Variants in ST6GALNAC5 observed in about 807,000 individuals in gnomAD.
ST6GALNAC5 encodes alpha-N-acetylgalactosaminide alpha-2,6-sialyltransferase 5.
In ST6GALNAC5, 27 loss-of-function variants were observed where a neutral mutation model predicts 33.6. That is an observed-to-expected ratio of 0.80 (90% CI 0.59 to 1.11). The LOEUF (loss-of-function observed/expected upper bound fraction) is 1.11. ST6GALNAC5 is among the 50% of genes least tolerant of loss of function. The pLI is 0.00. For missense variants in ST6GALNAC5, 428 were observed against 454.0 expected (o/e 0.94, Z 0.52); for synonymous variants, 194 against 171.2 (o/e 1.13, Z -1.04).
chr1:77,007,652 G>T (rs781198150), intron 2 of ST6GALNAC5, among the ~76,000 whole-genome samples: 2 of 152,200 alleles, frequency 1.3e-5, no homozygotes, highest in Non-Finnish European at 2.9e-5. Flanking sequence ...AAAATATTTT[G>T]GTTAATTAGA....
intron 2 of ST6GALNAC5, among the ~76,000 whole-genome samples, chr1:77,000,631 C>T (rs1471331787): frequency 4.0e-5 from 6 of 150,712 alleles, no homozygotes; most frequent in Admixed American, 6.6e-5. Flanking sequence ...TTAGGTCTAA[C>T]GTTTAAGTCC....
At chr1:76,932,396 G>A (rs767167636) in intron 2 of ST6GALNAC5, among the ~76,000 whole-genome samples, 1 of 152,064 alleles carries the variant, frequency 6.6e-6, no homozygotes, top group Non-Finnish European at 1.5e-5. Context: ...CAGGTGTGGG[G>A]GATAAGTCAG....
chr1:76,924,408 A>T (rs1570677466), intron 2 of ST6GALNAC5, among the ~76,000 whole-genome samples: 1 of 152,286 alleles, frequency 6.6e-6, no homozygotes, highest in East Asian at 1.9e-4. Context: ...AAGAACACAC[A>T]AGTATCTTCT....
intron 2 of ST6GALNAC5, among the ~76,000 whole-genome samples, chr1:76,909,897 CTTGT>C (rs1323330253): frequency 6.6e-6 from 1 of 151,914 alleles, no homozygotes; most frequent in East Asian, 1.9e-4. Context: ...CTATAGTGTG[CTTGT>C]TTTTCATTAA....
intron 2 of ST6GALNAC5, among the ~76,000 whole-genome samples, chr1:76,994,092 A>T (rs1038593249): frequency 3.9e-5 from 6 of 152,208 alleles, no homozygotes; most frequent in Non-Finnish European, 7.3e-5. Flanking sequence ...CAGGCAAATC[A>T]GCCACTCTTG....
chr1:76,995,108 T>G (rs1192329778), intron 2 of ST6GALNAC5, among the ~76,000 whole-genome samples: 1 of 152,098 alleles, frequency 6.6e-6, no homozygotes. Context: ...TAAAATTTAA[T>G]ATGTTTTGGC....
chr1:76,880,641 G>T (rs1449628680), intron 2 of ST6GALNAC5, among the ~76,000 whole-genome samples: 1 of 152,164 alleles, frequency 6.6e-6, no homozygotes, highest in Non-Finnish European at 1.5e-5. Flanking sequence ...AAGAGGCTAG[G>T]CCGGTCTTGC....
At position 77,063,339 on chromosome 1, in the gene ST6GALNAC5, G is replaced by A. The variant is rs184660348; in HGVS notation, c.*133G>A. On this transcript the variant is annotated 3_prime_UTR_variant, in exon 5 of 5. Coordinates refer to ENST00000477717, the MANE Select transcript of ST6GALNAC5 (RefSeq NM_030965.3). ...TCCTCAGGAAGTACCATGGACAGAC[G>A]CCTACCAGGGGTGACAAAGCAGTGC... is the stretch of plus-strand genomic sequence containing the variant. The A allele has an allele frequency of 1.0e-4, 76 of 748,346 alleles. No individual in the cohort carries two copies. In the African/African-American group the frequency reaches 1.1e-3, roughly 11 times the overall value. 46.4% of individuals were successfully genotyped at this position (748,346 alleles called of 1,614,324 possible).
At chr1:77,050,775 C>A (rs1007412118) in intron 4 of ST6GALNAC5, among the ~76,000 whole-genome samples, 17 of 152,326 alleles carry the variant, frequency 1.1e-4, no homozygotes, top group Non-Finnish European at 2.2e-4. Context: ...TAAAATATTT[C>A]TCTGAGCCTC....
intron 4 of ST6GALNAC5, among the ~76,000 whole-genome samples, chr1:77,051,720 A>G (rs1652224978): frequency 6.6e-6 from 1 of 152,166 alleles, no homozygotes; most frequent in Admixed American, 6.5e-5. Context: ...AACAATCTAT[A>G]CACAAAAAGT....
At chr1:76,882,368 A>G (rs1346087039) in intron 2 of ST6GALNAC5, among the ~76,000 whole-genome samples, 1 of 151,550 alleles carries the variant, frequency 6.6e-6, no homozygotes. Flanking sequence ...AGAAGAAAAC[A>G]TCATCAGGAG....
chr1:76,880,871 T>G (rs1340109524), intron 2 of ST6GALNAC5, among the ~76,000 whole-genome samples: 1 of 152,200 alleles, frequency 6.6e-6, no homozygotes, highest in Non-Finnish European at 1.5e-5. Context: ...ACAGAATATT[T>G]GCAGTCAGGT....
At chr1:77,033,324 C>CCAT (rs1651528630) in intron 2 of ST6GALNAC5, among the ~76,000 whole-genome samples, 1 of 152,204 alleles carries the variant, frequency 6.6e-6, no homozygotes, top group Admixed American at 6.5e-5. Flanking sequence ...TGTGCAGAAT[C>CCAT]GCTGCCTCAT....
intron 2 of ST6GALNAC5, among the ~76,000 whole-genome samples, chr1:76,882,592 T>C (rs1167255408): frequency 6.6e-6 from 1 of 152,186 alleles, no homozygotes; most frequent in African/African-American, 2.4e-5. Context: ...TAAGGAGGTG[T>C]CTGTAGAGTT....
Position 77,044,086 on chromosome 1 carries a change from G to C in ST6GALNAC5, c.262-118G>C, listed in dbSNP as rs1407524245. On this transcript the variant is annotated intron_variant, in intron 2 of 4. Coordinates refer to ENST00000477717, the MANE Select transcript of ST6GALNAC5 (RefSeq NM_030965.3). ...TAGCAGAAGGGATATACTCTGACATGATGGGGAGGAGAGAAGAGATGGGTG... is the reference window on the plus strand; with the variant it reads ...TAGCAGAAGGGATATACTCTGACATCATGGGGAGGAGAGAAGAGATGGGTG... 3.5e-6 allele frequency: 4 copies of C among 1,128,712 alleles called. No homozygotes were observed. In the East Asian group the frequency reaches 7.8e-5, roughly 22 times the overall value. 69.9% of individuals were successfully genotyped at this position (1,128,712 alleles called of 1,614,324 possible). A position where few individuals can be genotyped will look rare whatever the true frequency, so the allele number is the denominator to read the frequency against.
intron 2 of ST6GALNAC5, among the ~76,000 whole-genome samples, chr1:77,001,118 C>A (rs556004563): frequency 6.6e-6 from 1 of 151,578 alleles, no homozygotes; most frequent in Non-Finnish European, 1.5e-5. Context: ...TTCTTCCTAC[C>A]CATGAGCATG....
chr1:77,018,077 A>G (rs1161157980), intron 2 of ST6GALNAC5, among the ~76,000 whole-genome samples: 1 of 152,198 alleles, frequency 6.6e-6, no homozygotes, highest in South Asian at 2.1e-4. Context: ...TTTATGTTTC[A>G]TTCTGAATGA....
chr1:77,001,729 C>T (rs1303857309), intron 2 of ST6GALNAC5, among the ~76,000 whole-genome samples: 1 of 150,430 alleles, frequency 6.6e-6, no homozygotes, highest in Non-Finnish European at 1.5e-5. Context: ...AAGGCTTTTT[C>T]TGCATCTATT....
chr1:76,873,542 C>A (rs1252946066), intron 2 of ST6GALNAC5, among the ~76,000 whole-genome samples: 1 of 152,122 alleles, frequency 6.6e-6, no homozygotes, highest in South Asian at 2.1e-4. Flanking sequence ...AAGGACAGAC[C>A]TACTTACCTA....
Sources: allele counts gnomAD v4.1 joint callset (sites outside exome capture counted in the v4.1 genomes callset), GRCh38; gene constraint gnomAD v4.1.1; transcripts MANE v1.5; gene names NCBI Gene and HGNC (gene_info 2026-07-23, HGNC 2026-07-21).